TAF4B: variants seen among roughly 807,000 people sequenced by gnomAD.
The protein encoded by TAF4B is TATA-box binding protein associated factor 4b.
Under a neutral mutation model 86.4 loss-of-function variants are expected in TAF4B, and 38 were observed. The observed-to-expected ratio is 0.44, with a 90% CI of 0.34 to 0.58. TAF4B has a LOEUF of 0.58. TAF4B is among the 20% of genes least tolerant of loss of function. The pLI, the probability that TAF4B is intolerant of heterozygous loss-of-function variation, is 0.02. For synonymous variants in TAF4B, 388 were observed against 391.2 expected, an observed-to-expected ratio of 0.99 and a Z score of 0.10; for missense variants, 988 against 1,027.6, an observed-to-expected ratio of 0.96 and a Z score of 0.53.
chr18:26,229,342 G>A (rs1360907157), intron 1 of TAF4B, among the ~76,000 whole-genome samples: 1 of 152,136 alleles, frequency 6.6e-6, no homozygotes, highest in East Asian at 1.9e-4. Context: ...TTCTGCTGAC[G>A]TGTGGCAGAA....
chr18:26,382,244 A>G (rs1978293185), intron 14 of TAF4B, among the ~76,000 whole-genome samples: 1 of 152,206 alleles, frequency 6.6e-6, no homozygotes, highest in Non-Finnish European at 1.5e-5. Flanking sequence ...GACATAGTTT[A>G]TGTGAGTTTT....
At chr18:26,271,013 T>C (rs886994867) in intron 3 of TAF4B, among the ~76,000 whole-genome samples, 3 of 152,254 alleles carry the variant, frequency 2.0e-5, no homozygotes, top group Admixed American at 2.0e-4. Context: ...ATATTTTAAG[T>C]TGGGCTACTC....
chr18:26,293,959 C>T (rs747504187), intron 9 of TAF4B, among the ~76,000 whole-genome samples: 2 of 152,098 alleles, frequency 1.3e-5, no homozygotes, highest in Non-Finnish European at 2.9e-5. Flanking sequence ...GCATCTGTGT[C>T]ATTTGGAATA....
intron 12 of TAF4B, among the ~76,000 whole-genome samples, chr18:26,330,625 G>A (rs372852494): frequency 6.6e-6 from 1 of 151,996 alleles, no homozygotes; most frequent in Non-Finnish European, 1.5e-5. Flanking sequence ...ATATGTACAC[G>A]TTTATATATA....
intron 9 of TAF4B, among the ~76,000 whole-genome samples, chr18:26,301,594 A>G (rs1048925391): frequency 6.6e-6 from 1 of 152,162 alleles, no homozygotes; most frequent in Non-Finnish European, 1.5e-5. Flanking sequence ...ACACCCTGCC[A>G]TTTGTGGTTA....
At chr18:26,360,433 T>A (rs1056109723) in intron 14 of TAF4B, among the ~76,000 whole-genome samples, 2 of 152,224 alleles carry the variant, frequency 1.3e-5, no homozygotes, top group African/African-American at 4.8e-5. Flanking sequence ...CCCCATTTTC[T>A]TTCAGTTTGT....
At chr18:26,313,689 A>G (rs977961642) in intron 9 of TAF4B, among the ~76,000 whole-genome samples, 16 of 151,418 alleles carry the variant, frequency 1.1e-4, no homozygotes, top group African/African-American at 3.9e-4. Context: ...TTTTAAACAC[A>G]GGGTCTCACT....
At chr18:26,320,063 A>T (rs2056948927) in intron 10 of TAF4B, among the ~76,000 whole-genome samples, 1 of 152,344 alleles carries the variant, frequency 6.6e-6, no homozygotes, top group Non-Finnish European at 1.5e-5. Context: ...ATTATATAAT[A>T]TCAATGTATT....
chr18:26,269,432 T>G (rs1420269844), intron 3 of TAF4B, among the ~76,000 whole-genome samples: 2 of 152,142 alleles, frequency 1.3e-5, no homozygotes, highest in Non-Finnish European at 2.9e-5. Context: ...TTGCTGGCTG[T>G]TCTAATATTT....
intron 14 of TAF4B, among the ~76,000 whole-genome samples, chr18:26,365,639 T>C (rs1171577492): frequency 1.3e-5 from 2 of 152,200 alleles, no homozygotes; most frequent in African/African-American, 4.8e-5. Flanking sequence ...TAGTAGCGAT[T>C]TGTGGACTTA....
At chr18:26,342,972 T>G (rs1447197085) in intron 13 of TAF4B, among the ~76,000 whole-genome samples, 1 of 152,172 alleles carries the variant, frequency 6.6e-6, no homozygotes, top group Non-Finnish European at 1.5e-5. Context: ...AGAGTTCCAG[T>G]TAAGATGGAG....
intron 1 of TAF4B, among the ~76,000 whole-genome samples, chr18:26,244,291 C>T (rs989683477): frequency 6.6e-6 from 1 of 152,266 alleles, no homozygotes; most frequent in Non-Finnish European, 1.5e-5. Context: ...CCCTCTCCCC[C>T]AGCCTCACTG....
intron 9 of TAF4B, among the ~76,000 whole-genome samples, chr18:26,303,177 A>C (rs1157344280): frequency 7.3e-5 from 3 of 40,854 alleles, no homozygotes; most frequent in Non-Finnish European, 1.3e-4. Context: ...CCACTTTCAT[A>C]CCCCCTCCAC....
intron 7 of TAF4B, among the ~76,000 whole-genome samples, chr18:26,289,677 C>T (rs979087943): frequency 3.3e-5 from 5 of 152,094 alleles, no homozygotes; most frequent in African/African-American, 1.2e-4. Context: ...TTAGTAGAGA[C>T]GGGGTTTCGC....
intron 9 of TAF4B, among the ~76,000 whole-genome samples, chr18:26,299,042 G>A (rs2056699133): frequency 6.6e-6 from 1 of 151,340 alleles, no homozygotes; most frequent in Non-Finnish European, 1.5e-5. Context: ...TGCATTTTTA[G>A]TAGAGACGGG....
intron 14 of TAF4B, among the ~76,000 whole-genome samples, chr18:26,387,219 C>G (rs528202614): frequency 1.3e-5 from 2 of 152,130 alleles, no homozygotes; most frequent in African/African-American, 4.8e-5. Context: ...ACGCACACCA[C>G]CATGCCTGGC....
chr18:26,265,382 G>T, intron 2 of TAF4B, 67 bp downstream of exon 2: 1 of 1,448,106 alleles, frequency 6.9e-7, no homozygotes, highest in African/African-American at 1.4e-5. Context: ...TAAATGTTGT[G>T]TATATGTTTG....
intron 13 of TAF4B, among the ~76,000 whole-genome samples, chr18:26,344,622 C>A (rs865973009): frequency 6.6e-6 from 1 of 152,092 alleles, no homozygotes; most frequent in Non-Finnish European, 1.5e-5. Context: ...GAAGAAAGCA[C>A]AACAGAAATG....
chr18:26,243,661 G>A lies in TAF4B; in HGVS notation c.343+16385G>A, dbSNP rs561844814. On this transcript the variant is annotated intron_variant, in intron 1 of 14. Transcript: ENST00000269142. ...TGCGTTCCTTTGGAGGAGAAAAGGC[G>A]CTCTGAATTTTAGAATTTTCAGCTT... Among the ~76,000 whole-genome samples, 17 of 152,258 alleles carry A rather than the reference G, an allele frequency of 1.1e-4. No individual in the cohort carries two copies. The South Asian group carries it at 2.5e-3, about 22-fold the overall frequency.
Sources: gnomAD v4.1 joint callset for allele counts (sites outside exome capture counted in the v4.1 genomes callset) on GRCh38, gnomAD v4.1.1 for gene constraint, MANE v1.5 for transcripts, NCBI Gene and HGNC (gene_info 2026-07-23, HGNC 2026-07-21) for gene names.